Variants in CTDSP1 observed in about 807,000 individuals in gnomAD.
CTDSP1 encodes the protein carboxy-terminal domain RNA polymerase II polypeptide A small phosphatase 1.
A neutral mutation model predicts 32.5 loss-of-function variants in CTDSP1; 15 were observed. The ratio of observed to expected loss-of-function variants is 0.46; its 90% CI spans 0.31 to 0.71. The LOEUF is 0.71. Ranked by LOEUF, CTDSP1 falls within the 30% of genes least tolerant of loss-of-function variation. The pLI, the probability that CTDSP1 is intolerant of heterozygous loss-of-function variation, is 0.05. For missense variants in CTDSP1, 294 were observed against 351.1 expected, an observed-to-expected ratio of 0.84 and a Z score of 1.30; for synonymous variants, 185 against 145.4, an observed-to-expected ratio of 1.27 and a Z score of -1.96.
In CTDSP1 at chr2:218,403,341, G is replaced by T. The variant is rs147970292; in HGVS notation, c.581G>T (p.Arg194Leu). The change falls in exon 6 of 7, where the codon CGG (arginine) becomes CTG (leucine). Residue 194 changes from arginine (R) to leucine (L), a missense_variant. Physicochemically the swap from Arg to Leu is moderately radical, Grantham distance 102. This residue lies in a region of CTDSP1 where 146 missense variants were observed against 237.7 expected (regional missense o/e 0.61). Transcript: ENST00000273062. ...HRGNYVKDLS[R>L]LGRDLRRVLI... is the part of the protein sequence containing the mutation. ...GGGAACTACGTGAAGGACCTGAGCC[G>T]GTTGGGTCGAGACCTGCGGCGGGTG... 1.2e-6 allele frequency: 2 copies of T among 1,613,934 alleles called. No homozygotes were observed. Among genetic ancestry groups the T allele is most frequent in the African/African-American group, 1.3e-5 (1 of 74,942 alleles).
At chr2:218,398,466 G>A (rs1250419419), upstream of CTDSP1, 4 of 1,530,268 alleles carry the variant, frequency 2.6e-6, no homozygotes, top group East Asian at 2.5e-5. Context: ...GAGGGATCCA[G>A]CCCGGGGACC....
chr2:218,400,460 C>G lies in CTDSP1; in HGVS notation c.67+303C>G, dbSNP rs962863756. The G allele has an allele frequency of 1.4e-5, 7 of 484,462 alleles. No individual in the cohort carries two copies. In the East Asian group the frequency reaches 2.4e-4, roughly 17 times the overall value. 30.0% of individuals were successfully genotyped at this position (484,462 alleles called of 1,614,324 possible). ...CATTGCGTGGTGCATGGGCGCCCCC[C>G]CACCATTGGCGCCAATGGGGCTGGG... On this transcript the variant is annotated intron_variant, in intron 1 of 6. Transcript: ENST00000273062.
intron 1 of CTDSP1, 77 bp from the exon 2 acceptor site, chr2:218,401,487 G>C: frequency 1.3e-6 from 2 of 1,548,576 alleles, no homozygotes; most frequent in Non-Finnish European, 1.8e-6. Flanking sequence ...TGGCTCAGGG[G>C]TTCACACCTG....
upstream of CTDSP1, chr2:218,398,627 T>C (rs937459506): frequency 6.4e-6 from 3 of 469,106 alleles, no homozygotes; most frequent in African/African-American, 4.1e-5. Flanking sequence ...CGGCAGGGCC[T>C]GGCGGACGTG....
At chr2:218,396,839 G>A (rs1372262853), upstream of CTDSP1, 1 of 152,648 alleles carries the variant, frequency 6.6e-6, no homozygotes, top group East Asian at 1.9e-4. Context: ...CAGGCTCTGT[G>A]TTACAAGTTG....
Position 218,399,980 on chromosome 2 carries a change from TCCCTCCCTCCCACCCCTC to T in CTDSP1, c.-103_-86del. On this transcript the variant is annotated 5_prime_UTR_variant, in exon 1 of 7. Coordinates refer to ENST00000273062, the MANE Select transcript of CTDSP1 (RefSeq NM_021198.3). ...CCCTCCCCTCCGGAGCTCGCGGGGA[TCCCTCCCTCCCACCCCTC>T]CCCTCCCCCCCGCGCCCCGATTCCG... The T allele has an allele frequency of 1.1e-6, 1 of 946,496 alleles. No individual in the cohort carries two copies. The highest frequency in any genetic ancestry group is 1.3e-6 in the Non-Finnish European group (1 of 770,550). 58.6% of individuals were successfully genotyped at this position (946,496 alleles called of 1,614,324 possible). A position where few individuals can be genotyped will look rare whatever the true frequency, so the allele number is the denominator to read the frequency against.
At position 218,404,633 on chromosome 2, in the gene CTDSP1, T is replaced by A. The variant is rs1697327333; in HGVS notation, c.*208T>A. 6 of 573,296 alleles carry A rather than the reference T, an allele frequency of 1.0e-5. No homozygotes were observed. Among genetic ancestry groups the A allele is most frequent in the Middle Eastern group, 9.1e-4 (2 of 2,190 alleles). The allele number at this position is 573,296 out of a possible 1,614,324, so 35.5% of individuals were successfully genotyped here. On this transcript the variant is annotated 3_prime_UTR_variant, in exon 7 of 7. Transcript: ENST00000273062. ...CCGTGAGCTCCAGGCCCCGTGTCAGTGCCTTCAAACCTCCTCCCCTATTCT... is the reference window on the plus strand; with the variant it reads ...CCGTGAGCTCCAGGCCCCGTGTCAGAGCCTTCAAACCTCCTCCCCTATTCT...
At chr2:218,399,672 C>T (rs1191739338), upstream of CTDSP1, 1 of 939,352 alleles carries the variant, frequency 1.1e-6, no homozygotes, top group Non-Finnish European at 1.3e-6. Flanking sequence ...GCCGCAGAGA[C>T]TCAGCCCCGC....
upstream of CTDSP1, chr2:218,399,742 C>T: frequency 2.0e-6 from 2 of 1,015,984 alleles, no homozygotes; most frequent in Non-Finnish European, 2.4e-6. Flanking sequence ...CCGGCCCGGC[C>T]CGCCTCCCAG....
rs1230287139 is a variant in CTDSP1, at chr2:218,400,117, G to A, written c.27G>A (p.Gln9=). 1 of 1,545,164 alleles carries A rather than the reference G, an allele frequency of 6.5e-7. No homozygotes were observed. The highest frequency in any genetic ancestry group is 2.0e-5 in the Admixed American group (1 of 50,436). ...TGGACAGCTCGGCCGTCATTACTCA[G>A]ATCAGCAAGGAGGAGGCTCGGGGCC... MDSSAVIT[Q]ISKEEARGPL... is the part of the protein sequence containing the mutation. The change falls in exon 1 of 7, where the codon CAG becomes CAA. Residue 9 remains glutamine, a synonymous_variant. Coordinates refer to ENST00000273062, the MANE Select transcript of CTDSP1 (RefSeq NM_021198.3).
intron 1 of CTDSP1, chr2:218,400,837 TG>T (rs767903259): frequency 1.5e-5 from 7 of 453,898 alleles, no homozygotes; most frequent in East Asian, 1.4e-4. Context: ...TGGGCCGGGG[TG>T]GGGGGGTCTG....
At chr2:218,399,863 T>TG, upstream of CTDSP1, 20 of 1,232,802 alleles carry the variant, frequency 1.6e-5, no homozygotes, top group Non-Finnish European at 1.9e-5. Flanking sequence ...CTGGGTTCCA[T>TG]GTTTGCATCC....
chr2:218,398,473 G>T, upstream of CTDSP1: 1 of 1,528,392 alleles, frequency 6.5e-7, no homozygotes, highest in Non-Finnish European at 8.8e-7. Context: ...CCAGCCCGGG[G>T]ACCGGGGTAT....
intron 6 of CTDSP1, 147 bp from the exon 7 acceptor site, chr2:218,404,150 G>C: frequency 1.2e-6 from 1 of 866,430 alleles, no homozygotes; most frequent in South Asian, 1.7e-5. Flanking sequence ...GTGTTTTCCT[G>C]GGGATTGCTG....
At chr2:218,403,188 CAA>C in intron 5 of CTDSP1, 42 bp from the exon 6 acceptor site, 1 of 1,612,288 alleles carries the variant, frequency 6.2e-7, no homozygotes. Context: ...GCATGCAGCC[CAA>C]TGAACCTGCG....
chr2:218,396,588 G>C (rs565815028), upstream of CTDSP1: 1 of 152,468 alleles, frequency 6.6e-6, no homozygotes, highest in Admixed American at 6.5e-5. Flanking sequence ...CCCTCAAGGA[G>C]AGAAGAGATG....
chr2:218,404,823 G>A lies in CTDSP1; in HGVS notation c.*398G>A, dbSNP rs780128794. The A allele has an allele frequency of 1.7e-5, 3 of 174,840 alleles. No homozygotes were observed. The highest frequency in any genetic ancestry group is 2.4e-5 in the Non-Finnish European group (2 of 81,732). 10.8% of individuals were successfully genotyped at this position (174,840 alleles called of 1,614,324 possible). On this transcript the variant is annotated 3_prime_UTR_variant, in exon 7 of 7. Coordinates refer to ENST00000273062, the MANE Select transcript of CTDSP1 (RefSeq NM_021198.3). The stretch of plus-strand genomic sequence containing the variant: ...AGTCTGGGAACGGTGGACATCAAGT[G>A]CCTTGCATAGAGCCCCCTCTTCCCC...
In CTDSP1 at chr2:218,404,481, A is replaced by C; in HGVS notation, c.*56A>C. 6.2e-7 allele frequency: 1 copy of C among 1,600,116 alleles called. No individual in the cohort carries two copies. The highest frequency in any genetic ancestry group is 8.5e-7 in the Non-Finnish European group (1 of 1,171,490). ...ACCAATGATACCCACACCTCCTCCC[A>C]GGAAGACTGCCCAGGCCTTTGTTAG... On this transcript the variant is annotated 3_prime_UTR_variant, in exon 7 of 7. Transcript: ENST00000273062.
chr2:218,402,456 T>C, intron 4 of CTDSP1, 51 bp downstream of exon 4: 4 of 1,558,212 alleles, frequency 2.6e-6, no homozygotes, highest in South Asian at 1.2e-5. Context: ...CTCCAGACCC[T>C]AGGCTCTTCC....
Sources: gnomAD v4.1 joint callset for allele counts on GRCh38, gnomAD v4.1.1 for gene constraint, gnomAD v4.1.1 regional missense constraint, MANE v1.5 for transcripts, NCBI Gene and HGNC (gene_info 2026-07-23, HGNC 2026-07-21) for gene names.